Variants in CFAP161 observed in about 807,000 individuals in gnomAD.
The protein encoded by CFAP161 is cilia- and flagella-associated protein 161.
Under a neutral mutation model 29.0 loss-of-function variants are expected in CFAP161, and 25 were observed. The ratio of observed to expected loss-of-function variants is 0.86; its 90% CI spans 0.63 to 1.20. The LOEUF is 1.20. CFAP161 is among the 50% of genes most tolerant of loss of function. CFAP161 has a pLI of 0.00. For missense variants in CFAP161, 367 were observed against 371.9 expected (o/e 0.99, Z 0.11); for synonymous variants, 116 against 137.4 (o/e 0.84, Z 1.09).
At chr15:81,117,070 C>T (rs1020099056) in intron 1 of CFAP161, among the ~76,000 whole-genome samples, 3 of 152,070 alleles carry the variant, frequency 2.0e-5, no homozygotes, top group African/African-American at 7.2e-5. Context: ...GGTTCTTGGA[C>T]CTGCCAGGAA....
chr15:81,136,525 T>C lies in CFAP161; in HGVS notation c.169T>C (p.Ser57Pro). ...ACTATCAAAATTGTAGATGCAACTT[T>C]CCGTAACTGAAGATGGCTATATTCA... ...KQNLLRPMQL[S>P]VTEDGYIHYG... The change falls in exon 3 of 7, where the codon TCC becomes CCC. Residue 57 changes from serine (S) to proline (P), a missense_variant. Ser to Pro is a moderately conservative substitution (Grantham distance 74). Coordinates refer to ENST00000286732, the MANE Select transcript of CFAP161 (RefSeq NM_173528.4). 2.5e-6 allele frequency: 4 copies of C among 1,614,086 alleles called. No homozygotes were observed. Among genetic ancestry groups the C allele is most frequent in the Non-Finnish European group, 3.4e-6 (4 of 1,179,924 alleles).
intron 1 of CFAP161, 29 bp downstream of exon 1, chr15:81,134,427 C>G (rs1485376020): frequency 6.4e-7 from 1 of 1,563,704 alleles, no homozygotes; most frequent in Non-Finnish European, 8.7e-7. Flanking sequence ...GGCGCAGACC[C>G]GCAGCTCAGG....
intron 1 of CFAP161, among the ~76,000 whole-genome samples, chr15:81,110,460 G>T (rs927923108): frequency 6.6e-6 from 1 of 152,084 alleles, no homozygotes; most frequent in Non-Finnish European, 1.5e-5. Flanking sequence ...TGAATTTCCA[G>T]GAGGGTGCTG....
In CFAP161 at chr15:81,134,333, G is replaced by C; in HGVS notation, c.4G>C (p.Ala2Pro). Residue 2 changes from alanine to proline, a missense_variant, in exon 1 of 7, where the codon GCG becomes CCG. Ala to Pro is a conservative substitution (Grantham distance 27). Transcript: ENST00000286732. M[A>P]QNVYGPGVRI... ...ACTTGCTGAACAGCAGGGAGCGATG[G>C]CGCAGAACGTGTATGGTCCGGGAGT... The C allele has an allele frequency of 3.2e-6, 5 of 1,587,258 alleles. No homozygotes were observed. Among genetic ancestry groups the C allele is most frequent in the Non-Finnish European group, 4.3e-6 (5 of 1,167,692 alleles).
At chr15:81,146,883 T>TATATATA (rs1341133876) in intron 5 of CFAP161, among the ~76,000 whole-genome samples, 1 of 108,822 alleles carries the variant, frequency 9.2e-6, no homozygotes, top group Non-Finnish European at 1.9e-5. Context: ...TATATATATA[T>TATATATA]TTAAAAAGCT....
chr15:81,108,517 G>A (rs1245488990), intron 1 of CFAP161, among the ~76,000 whole-genome samples: 2 of 152,054 alleles, frequency 1.3e-5, no homozygotes, highest in East Asian at 1.9e-4. Flanking sequence ...GTCCTCAAGG[G>A]TTTGGACCCA....
intron 4 of CFAP161, among the ~76,000 whole-genome samples, chr15:81,142,368 C>T (rs1363033973): frequency 1.3e-5 from 2 of 152,038 alleles, no homozygotes; most frequent in African/African-American, 4.8e-5. Context: ...CCCATCCTCA[C>T]TGGAGTCAGC....
intron 6 of CFAP161, 24 bp downstream of exon 6, chr15:81,147,955 A>C (rs1895037899): frequency 1.3e-6 from 2 of 1,570,944 alleles, no homozygotes; most frequent in Non-Finnish European, 1.7e-6. Flanking sequence ...GGGTACAACA[A>C]AATGCTGTGA....
chr15:81,126,681 C>A (rs1340493774), intron 1 of CFAP161, among the ~76,000 whole-genome samples: 1 of 152,036 alleles, frequency 6.6e-6, no homozygotes, highest in Non-Finnish European at 1.5e-5. Flanking sequence ...TTATCTATTT[C>A]TTTTCACTTT....
intron 1 of CFAP161, among the ~76,000 whole-genome samples, chr15:81,113,092 A>G (rs140602530): frequency 1.1e-4 from 16 of 152,308 alleles, no homozygotes; most frequent in Admixed American, 5.9e-4. Context: ...AATCCCTTGC[A>G]TATTTATTAT....
chr15:81,143,361 C>G (rs1330250957), intron 4 of CFAP161, among the ~76,000 whole-genome samples: 1 of 152,044 alleles, frequency 6.6e-6, no homozygotes, highest in African/African-American at 2.4e-5. Flanking sequence ...GTTCCTATAT[C>G]CTGAAGGGGA....
intron 4 of CFAP161, among the ~76,000 whole-genome samples, chr15:81,140,009 T>C (rs569068744): frequency 5.6e-4 from 86 of 152,230 alleles, no homozygotes; most frequent in African/African-American, 2.0e-3. Flanking sequence ...ATATTTTAAG[T>C]TTGTTCTCTT....
chr15:81,122,536 G>T, intron 1 of CFAP161, among the ~76,000 whole-genome samples: 1 of 150,536 alleles, frequency 6.6e-6, no homozygotes, highest in Non-Finnish European at 1.5e-5. Flanking sequence ...TTGTTGCCCA[G>T]GCTGGAGTGC....
chr15:81,147,229 T>A (rs1451888282), intron 5 of CFAP161, among the ~76,000 whole-genome samples: 2 of 152,138 alleles, frequency 1.3e-5, no homozygotes, highest in Non-Finnish European at 2.9e-5. Flanking sequence ...ACGCAACTGC[T>A]TGCCTCTTTT....
At chr15:81,136,108 A>G (rs1288125899) in intron 2 of CFAP161, among the ~76,000 whole-genome samples, 1 of 152,270 alleles carries the variant, frequency 6.6e-6, no homozygotes, top group East Asian at 1.9e-4. Context: ...CAGTTTTTAA[A>G]AACAATTTGC....
At chr15:81,119,645 T>G (rs1363051926) in intron 1 of CFAP161, among the ~76,000 whole-genome samples, 1 of 152,198 alleles carries the variant, frequency 6.6e-6, no homozygotes, top group Non-Finnish European at 1.5e-5. Context: ...AGACATTTTT[T>G]GGGGCTCTCT....
At chr15:81,130,753 T>C (rs1217129567), upstream of CFAP161, among the ~76,000 whole-genome samples, 2 of 152,054 alleles carry the variant, frequency 1.3e-5, no homozygotes, top group Admixed American at 1.3e-4. Context: ...TCCTTTCACT[T>C]GAACACTTGA....
At chr15:81,118,593 G>T (rs922852721) in intron 1 of CFAP161, among the ~76,000 whole-genome samples, 1 of 152,180 alleles carries the variant, frequency 6.6e-6, no homozygotes, top group Non-Finnish European at 1.5e-5. Flanking sequence ...TCGCGGTGGC[G>T]GGCAGTCGCG....
At chr15:81,120,755 G>A (rs1894561594) in intron 1 of CFAP161, among the ~76,000 whole-genome samples, 1 of 152,194 alleles carries the variant, frequency 6.6e-6, no homozygotes, top group South Asian at 2.1e-4. Flanking sequence ...TGCAGCAAAA[G>A]TTGAACTTAT....
Sources: gnomAD v4.1 joint callset for allele counts (sites outside exome capture counted in the v4.1 genomes callset) on GRCh38, gnomAD v4.1.1 for gene constraint, MANE v1.5 for transcripts, NCBI Gene and HGNC (gene_info 2026-07-23, HGNC 2026-07-21) for gene names.